Variants in PDXDC1 observed in about 807,000 individuals in gnomAD.
PDXDC1 encodes the protein pyridoxal dependent decarboxylase domain containing 1.
Under a neutral mutation model 100.1 loss-of-function variants are expected in PDXDC1, and 42 were observed. That is an observed-to-expected ratio of 0.42 (90% CI 0.33 to 0.54). The LOEUF (loss-of-function observed/expected upper bound fraction) is 0.54, where lower values mean the gene tolerates loss of function less well. PDXDC1 is among the 20% of genes least tolerant of loss of function. The pLI is 0.10. For synonymous variants in PDXDC1, 260 were observed against 371.7 expected, an observed-to-expected ratio of 0.70 and a Z score of 3.46; for missense variants, 636 against 979.2, an observed-to-expected ratio of 0.65 and a Z score of 4.68.
chr16:15,018,032 C>T (rs2041923722), intron 11 of PDXDC1, among the ~76,000 whole-genome samples: 1 of 152,166 alleles, frequency 6.6e-6, no homozygotes, highest in South Asian at 2.1e-4. Flanking sequence ...AGGTGATCTG[C>T]CTGCCTCGGC....
chr16:15,124,119 CT>C (rs1292594282), intron 16 of PDXDC1, among the ~76,000 whole-genome samples: 1 of 152,220 alleles, frequency 6.6e-6, no homozygotes, highest in East Asian at 1.9e-4. Context: ...TCATCAGCTT[CT>C]CTCCTAAGGT....
chr16:15,079,242 T>C (rs1346910059), intron 16 of PDXDC1, among the ~76,000 whole-genome samples: 1 of 152,204 alleles, frequency 6.6e-6, no homozygotes, highest in African/African-American at 2.4e-5. Flanking sequence ...CAGTTCATCT[T>C]TCCTGACAAT....
rs2043047588 is a variant in PDXDC1, at chr16:15,031,246, G to A, written c.1400-489G>A. On this transcript the variant is annotated intron_variant, in intron 16 of 22. Coordinates refer to ENST00000396410, the MANE Select transcript of PDXDC1 (RefSeq NM_015027.4). The stretch of plus-strand genomic sequence containing the variant: ...CACTGGCCACTATAAGGATTGCCTG[G>A]CCACAGCTCTAGATACTTAGTCTCT... 2.0e-5 allele frequency among the ~76,000 whole-genome samples: 3 copies of A among 150,950 alleles called. No homozygotes were observed. In the South Asian group the frequency reaches 6.3e-4, roughly 32 times the overall value.
intron 1 of PDXDC1, among the ~76,000 whole-genome samples, chr16:14,976,248 T>C (rs1421049688): frequency 6.6e-6 from 1 of 152,290 alleles, no homozygotes; most frequent in African/African-American, 2.4e-5. Context: ...TTTTCATGCA[T>C]GTGGCATTCA....
At chr16:15,039,569 C>T (rs1285996552), downstream of PDXDC1, among the ~76,000 whole-genome samples, 1 of 152,150 alleles carries the variant, frequency 6.6e-6, no homozygotes, top group Non-Finnish European at 1.5e-5. Flanking sequence ...ATTGTTCCAG[C>T]AAATTGCTCT....
intron 16 of PDXDC1, chr16:15,092,605 A>G: frequency 2.5e-6 from 4 of 1,605,956 alleles, no homozygotes; most frequent in Non-Finnish European, 3.4e-6. Flanking sequence ...ATGCACGCAT[A>G]TTTGAAATCC....
chr16:15,087,092 A>G (rs1188499854), intron 16 of PDXDC1, among the ~76,000 whole-genome samples: 6 of 152,232 alleles, frequency 3.9e-5, no homozygotes, highest in Non-Finnish European at 8.8e-5. Flanking sequence ...AGTGTCAATT[A>G]TGTAAAATAT....
intron 1 of PDXDC1, among the ~76,000 whole-genome samples, chr16:14,975,955 A>G (rs1342680731): frequency 6.6e-6 from 1 of 152,296 alleles, no homozygotes; most frequent in Non-Finnish European, 1.5e-5. Context: ...TGGCTCCCCC[A>G]TTCCAGTGGC....
chr16:15,111,456 C>CAAA (rs4012875), intron 16 of PDXDC1, among the ~76,000 whole-genome samples: 2,851 of 100,366 alleles, frequency 0.028, 111 homozygotes, highest in East Asian at 0.076. Context: ...AACTCTGTCT[C>CAAA]AAAAAAAAAA....
At chr16:15,056,006 C>A in intron 16 of PDXDC1, 1 of 1,139,780 alleles carries the variant, frequency 8.8e-7, no homozygotes, top group Non-Finnish European at 1.1e-6. Flanking sequence ...CCCAGGGAGG[C>A]GGCGGCCCCC....
intron 13 of PDXDC1, among the ~76,000 whole-genome samples, chr16:15,024,578 A>G (rs1422911517): frequency 6.6e-6 from 1 of 152,108 alleles, no homozygotes; most frequent in Non-Finnish European, 1.5e-5. Context: ...ATGTCCAGCT[A>G]ATTTCTGTAT....
intron 11 of PDXDC1, among the ~76,000 whole-genome samples, chr16:15,018,530 G>A (rs1422394914): frequency 1.3e-5 from 2 of 152,296 alleles, no homozygotes; most frequent in Non-Finnish European, 2.9e-5. Context: ...CCAGGTGTTT[G>A]AGGATGCTCA....
chr16:15,072,949 C>G (rs1348392615), intron 16 of PDXDC1: 2 of 1,613,056 alleles, frequency 1.2e-6, no homozygotes, highest in African/African-American at 1.3e-5. Context: ...TTCTTACTCA[C>G]CAATTTGAAA....
At chr16:15,139,632 T>C (rs2048431781), downstream of PDXDC1, among the ~76,000 whole-genome samples, 1 of 150,902 alleles carries the variant, frequency 6.6e-6, no homozygotes, top group Admixed American at 6.6e-5. Context: ...AAAAAAAGAA[T>C]CAGCCAGGCA....
intron 16 of PDXDC1, among the ~76,000 whole-genome samples, chr16:15,077,398 A>G (rs141776989): frequency 0.075 from 11,417 of 152,110 alleles, 549 homozygotes; most frequent in Middle Eastern, 0.12. Context: ...GTGATAGTGA[A>G]TAAGTCTCAA....
At chr16:15,027,779 G>T (rs1006007347) in intron 14 of PDXDC1, among the ~76,000 whole-genome samples, 2 of 152,294 alleles carry the variant, frequency 1.3e-5, no homozygotes, top group Admixed American at 6.5e-5. Flanking sequence ...TGGCCATCCA[G>T]CCACTTCTGT....
intron 16 of PDXDC1, among the ~76,000 whole-genome samples, chr16:15,087,335 G>C (rs1407115322): frequency 1.3e-5 from 2 of 152,114 alleles, no homozygotes; most frequent in Non-Finnish European, 2.9e-5. Flanking sequence ...AAGATGTTTA[G>C]TTATTCCCAT....
At chr16:15,018,432 T>C (rs1225977856) in intron 11 of PDXDC1, among the ~76,000 whole-genome samples, 2 of 152,258 alleles carry the variant, frequency 1.3e-5, no homozygotes, top group African/African-American at 2.4e-5. Flanking sequence ...ATAATAATAA[T>C]GTGGTTCTTG....
intron 16 of PDXDC1, among the ~76,000 whole-genome samples, chr16:15,052,904 G>A (rs948563193): frequency 2.0e-5 from 3 of 152,212 alleles, no homozygotes; most frequent in Non-Finnish European, 2.9e-5. Flanking sequence ...CTGTGGAACC[G>A]TATTACCCAA....
Sources: allele counts gnomAD v4.1 joint callset (sites outside exome capture counted in the v4.1 genomes callset), GRCh38; gene constraint gnomAD v4.1.1; transcripts MANE v1.5; gene names NCBI Gene and HGNC (gene_info 2026-07-23, HGNC 2026-07-21).